Variants in EYS observed in about 807,000 individuals in gnomAD.
EYS encodes EGF-like photoreceptor maintenance factor.
A neutral mutation model predicts 282.1 loss-of-function variants in EYS; 250 were observed. The observed-to-expected ratio is 0.89, with a 90% CI of 0.80 to 0.98. The LOEUF (loss-of-function observed/expected upper bound fraction) is 0.98. EYS is among the 50% of genes least tolerant of loss of function. The probability of loss-of-function intolerance (pLI) is 0.00; values close to 1 mark genes in which losing one functional copy is unlikely to be tolerated. For synonymous variants in EYS, 1,355 were observed against 1,282.9 expected (o/e 1.06, Z -1.20); for missense variants, 4,016 against 3,709.0 (o/e 1.08, Z -2.15).
At chr6:64,254,418 G>T (rs981964850) in intron 30 of EYS, among the ~76,000 whole-genome samples, 1 of 152,068 alleles carries the variant, frequency 6.6e-6, no homozygotes, top group Non-Finnish European at 1.5e-5. Context: ...CAGGAAAGCT[G>T]ACCTATCTTA....
chr6:65,008,480 G>A lies in EYS; in HGVS notation c.2138-10777C>T, dbSNP rs143986879. On this transcript the variant is annotated intron_variant, in intron 13 of 42. Transcript: ENST00000503581. Reference sequence around the variant, plus strand: ...AAATGGGATAAAAAAAAAGGCTACCGCTTTAGTCATGGCCCTCAGGCAAGC... The same window carrying A: ...AAATGGGATAAAAAAAAAGGCTACCACTTTAGTCATGGCCCTCAGGCAAGC... 8.7e-4 allele frequency among the ~76,000 whole-genome samples: 132 copies of A among 152,236 alleles called. 2 individuals carry two copies. In the East Asian group the frequency reaches 0.017, roughly 20 times the overall value.
intron 35 of EYS, among the ~76,000 whole-genome samples, chr6:63,962,541 A>G (rs1766116005): frequency 6.6e-6 from 1 of 152,236 alleles, no homozygotes; most frequent in African/African-American, 2.4e-5. Context: ...GGAGAAATGC[A>G]AATCAAAACC....
intron 26 of EYS, among the ~76,000 whole-genome samples, chr6:64,471,863 A>G (rs1252751143): frequency 6.6e-6 from 1 of 152,220 alleles, no homozygotes; most frequent in East Asian, 1.9e-4. Flanking sequence ...GTACAAACAT[A>G]TAATTAGATA....
rs529608603 is a variant in EYS, at chr6:65,313,324, T to C, written c.1767-17205A>G. On this transcript the variant is annotated intron_variant, in intron 11 of 42. Transcript: ENST00000503581. ...TTATATCTGGGAAATAATAGGAGGG[T>C]TTAGAGTAAAGAAGTGACCCGATAC... Among the ~76,000 whole-genome samples the C allele has an allele frequency of 2.1e-3, 321 of 151,314 alleles. 2 individuals are homozygous for C. Among genetic ancestry groups the C allele is most frequent in the Non-Finnish European group, 3.7e-3 (250 of 67,804 alleles).
chr6:64,539,547 G>A (rs890835851), intron 26 of EYS, among the ~76,000 whole-genome samples: 1 of 152,056 alleles, frequency 6.6e-6, no homozygotes, highest in Non-Finnish European at 1.5e-5. Context: ...CTCCAGCTTG[G>A]GCAACTGAGT....
At chr6:64,969,414 TG>T in intron 14 of EYS, among the ~76,000 whole-genome samples, 1 of 152,172 alleles carries the variant, frequency 6.6e-6, no homozygotes, top group East Asian at 1.9e-4. Context: ...TGGCTCTTGC[TG>T]GGTATCATTA....
At chr6:65,436,717 T>C (rs1388559465) in intron 5 of EYS, among the ~76,000 whole-genome samples, 1 of 152,110 alleles carries the variant, frequency 6.6e-6, no homozygotes, top group Non-Finnish European at 1.5e-5. Context: ...AATAGATAAA[T>C]GTCCTATATA....
chr6:65,585,977 GCA>G (rs1405164724), intron 2 of EYS, among the ~76,000 whole-genome samples: 1 of 151,976 alleles, frequency 6.6e-6, no homozygotes, highest in African/African-American at 2.4e-5. Context: ...AATTACTTGT[GCA>G]CCTAGCTATT....
chr6:64,086,296 T>C (rs1772155225), intron 31 of EYS, among the ~76,000 whole-genome samples: 1 of 152,222 alleles, frequency 6.6e-6, no homozygotes, highest in Non-Finnish European at 1.5e-5. Flanking sequence ...TAAGTTCTCA[T>C]TGTTTCAACT....
At chr6:64,225,146 G>T (rs921267732) in intron 31 of EYS, among the ~76,000 whole-genome samples, 1 of 152,000 alleles carries the variant, frequency 6.6e-6, no homozygotes, top group African/African-American at 2.4e-5. Flanking sequence ...CCAGAACATT[G>T]AACATCCTTT....
intron 22 of EYS, among the ~76,000 whole-genome samples, chr6:64,679,928 T>A (rs1000042663): frequency 6.6e-6 from 1 of 152,176 alleles, no homozygotes; most frequent in African/African-American, 2.4e-5. Flanking sequence ...CTTATATAAC[T>A]TCTAACTTTA....
Position 65,402,595 on chromosome 6 carries a change from C to A in EYS, c.1067G>T (p.Cys356Phe). Reference protein sequence around the residue: ...DCIKISNDVMCICSPIFTDLL... With the variant: ...DCIKISNDVMFICSPIFTDLL... ...ATCTGTAAATATTGGTGAACAGATG[C>A]ACATAACATCCTAGGAAAGATTAAA... is the stretch of plus-strand genomic sequence containing the variant. Residue 356 changes from cysteine to phenylalanine, a missense_variant, in exon 7 of 43, where the codon TGC (cysteine) becomes TTC (phenylalanine). Physicochemically the swap from Cys to Phe is radical, Grantham distance 205. Coordinates refer to ENST00000503581, the MANE Select transcript of EYS (RefSeq NM_001142800.2). 6.4e-7 allele frequency: 1 copy of A among 1,572,848 alleles called. No individual in the cohort carries two copies. Among genetic ancestry groups the A allele is most frequent in the Non-Finnish European group, 8.7e-7 (1 of 1,144,008 alleles).
At chr6:65,338,250 T>C (rs1201109663) in intron 10 of EYS, among the ~76,000 whole-genome samples, 1 of 151,272 alleles carries the variant, frequency 6.6e-6, no homozygotes, top group Non-Finnish European at 1.5e-5. Flanking sequence ...AGTCTAGACA[T>C]CTACTAGAAT....
intron 2 of EYS, among the ~76,000 whole-genome samples, chr6:65,637,586 G>A (rs1767134197): frequency 6.6e-6 from 1 of 152,176 alleles, no homozygotes. Context: ...CACTCTTGGG[G>A]GCCCAGGAAG....
At chr6:64,958,569 A>G (rs930929719) in intron 14 of EYS, among the ~76,000 whole-genome samples, 1 of 151,560 alleles carries the variant, frequency 6.6e-6, no homozygotes, top group Non-Finnish European at 1.5e-5. Flanking sequence ...CCCCGTCTCT[A>G]CTAAAAATAC....
At chr6:64,274,621 G>C (rs533966205) in intron 30 of EYS, among the ~76,000 whole-genome samples, 30 of 149,988 alleles carry the variant, frequency 2.0e-4, no homozygotes, top group Non-Finnish European at 3.4e-4. Context: ...CTTTTCTTCA[G>C]TCAGATGTCA....
At chr6:64,634,672 C>A (rs1205643649) in intron 22 of EYS, among the ~76,000 whole-genome samples, 1 of 152,122 alleles carries the variant, frequency 6.6e-6, no homozygotes, top group Non-Finnish European at 1.5e-5. Context: ...ACAACTGCTC[C>A]ACATGCCATG....
chr6:64,010,763 G>A (rs1245119324), intron 33 of EYS, among the ~76,000 whole-genome samples: 1 of 152,034 alleles, frequency 6.6e-6, no homozygotes, highest in Non-Finnish European at 1.5e-5. Flanking sequence ...CACTGAAACC[G>A]GAATCTTCGC....
chr6:64,195,592 C>T (rs1765261257), intron 31 of EYS, among the ~76,000 whole-genome samples: 2 of 152,154 alleles, frequency 1.3e-5, no homozygotes, highest in African/African-American at 2.4e-5. Flanking sequence ...AGCCACTATG[C>T]CCAGCTTTTT....
Sources: allele counts gnomAD v4.1 joint callset (sites outside exome capture counted in the v4.1 genomes callset), GRCh38; gene constraint gnomAD v4.1.1; transcripts MANE v1.5; gene names NCBI Gene and HGNC (gene_info 2026-07-23, HGNC 2026-07-21).